WASHC3: variants seen among roughly 807,000 people sequenced by gnomAD.
The protein encoded by WASHC3 is WASH complex subunit CCDC53.
WASHC3 carries 24 observed loss-of-function variants against 26.1 expected under a neutral mutation model. The observed-to-expected ratio is 0.92, with a 90% CI of 0.66 to 1.29. The LOEUF (loss-of-function observed/expected upper bound fraction) is 1.29, where lower values mean the gene tolerates loss of function less well. Among genes scored for constraint, WASHC3 ranks in the 50% most tolerant of loss-of-function variants. The pLI is 0.00. For synonymous variants in WASHC3, 77 were observed against 75.7 expected, an observed-to-expected ratio of 1.02 and a Z score of -0.09; for missense variants, 214 against 229.6, an observed-to-expected ratio of 0.93 and a Z score of 0.44.
At chr12:102,044,799 G>A (rs1001571581) in intron 3 of WASHC3, among the ~76,000 whole-genome samples, 1 of 151,942 alleles carries the variant, frequency 6.6e-6, no homozygotes, top group African/African-American at 2.4e-5. Context: ...TGGGCATATT[G>A]TTGGTATTTC....
At chr12:102,031,932 AAACT>A (rs1490969868) in intron 5 of WASHC3, among the ~76,000 whole-genome samples, 2 of 152,172 alleles carry the variant, frequency 1.3e-5, no homozygotes, top group African/African-American at 4.8e-5. Context: ...ACTGATGAGG[AAACT>A]ACCTGGAGTT....
At position 102,046,075 on chromosome 12, in the gene WASHC3, A is replaced by C. The variant is rs761751093; in HGVS notation, c.195T>G (p.Thr65=). The change falls in exon 3 of 7, where the codon ACT becomes ACG. Residue 65 remains threonine (T), a synonymous_variant. Transcript: ENST00000240079. The part of the protein sequence containing the change: ...LSLRIQQIET[T]LNILDAKLSS... ...CAACCTTTGCATCTAAAATATTGAG[A>C]GTTGTTTCAATTTGTTGGATACGAA... 3 of 1,595,904 alleles carry C rather than the reference A, an allele frequency of 1.9e-6. No homozygotes were observed. The Admixed American group carries it at 5.1e-5, about 27-fold the overall frequency.
chr12:102,039,926 T>C lies in WASHC3; in HGVS notation c.377A>G (p.Asn126Ser). Residue 126 changes from asparagine to serine, a missense_variant, in exon 5 of 7, where the codon AAT becomes AGT. By Grantham distance (46) the Asn-to-Ser change is conservative. Transcript: ENST00000240079. ...GLQESEVSAE[N>S]ILTVAKDPRY... is the part of the protein sequence containing the mutation. ...TGGATCCTTGGCTACAGTTAAGATA[T>C]TTTCTGCTGATACTTCACTTTCCTG... 1 of 1,606,314 alleles carries C rather than the reference T, an allele frequency of 6.2e-7. No homozygotes were observed. The highest frequency in any genetic ancestry group is 1.7e-4 in the Middle Eastern group (1 of 6,034).
intron 6 of WASHC3, among the ~76,000 whole-genome samples, chr12:102,018,811 G>C (rs998637518): frequency 6.6e-6 from 1 of 151,430 alleles, no homozygotes; most frequent in African/African-American, 2.4e-5. Context: ...TAGAGATGAA[G>C]TCTTATTTAT....
chr12:102,050,611 C>G (rs1339608690), intron 2 of WASHC3: 3 of 453,638 alleles, frequency 6.6e-6, no homozygotes, highest in South Asian at 4.7e-5. Flanking sequence ...CCACTGCACT[C>G]CAGCCTCGGT....
chr12:102,051,871 G>C (rs993163934), intron 2 of WASHC3, among the ~76,000 whole-genome samples: 1 of 152,232 alleles, frequency 6.6e-6, no homozygotes, highest in Non-Finnish European at 1.5e-5. Context: ...ATGATGCCCA[G>C]CACAGAGGAA....
At chr12:102,061,408 C>A in intron 1 of WASHC3, 62 bp from the exon 2 acceptor site, 1 of 1,053,946 alleles carries the variant, frequency 9.5e-7, no homozygotes, top group South Asian at 1.3e-5. Context: ...CAAATCTTTT[C>A]ATATTTGGAC....
At chr12:102,041,778 A>AT (rs1877949544) in intron 4 of WASHC3, among the ~76,000 whole-genome samples, 2 of 152,074 alleles carry the variant, frequency 1.3e-5, no homozygotes, top group African/African-American at 2.4e-5. Context: ...TCAACACACA[A>AT]TTTTATCACA....
At chr12:102,017,669 C>T (rs1311647928) in intron 6 of WASHC3, 7 of 342,604 alleles carry the variant, frequency 2.0e-5, no homozygotes, top group Non-Finnish European at 2.8e-5. Context: ...TTTAACCTTC[C>T]GAGGAACTGC....
intron 6 of WASHC3, among the ~76,000 whole-genome samples, chr12:102,022,881 C>A (rs1264484073): frequency 6.6e-6 from 1 of 151,666 alleles, no homozygotes; most frequent in East Asian, 1.9e-4. Flanking sequence ...TAACCTTTGG[C>A]CAAAGACCAA....
intron 2 of WASHC3, among the ~76,000 whole-genome samples, chr12:102,056,512 A>T (rs1878598732): frequency 1.3e-5 from 2 of 152,220 alleles, no homozygotes; most frequent in South Asian, 4.1e-4. Context: ...TGATTATGGT[A>T]TGATTATGCA....
chr12:102,054,902 C>T (rs1244315135), intron 2 of WASHC3, among the ~76,000 whole-genome samples: 2 of 151,980 alleles, frequency 1.3e-5, no homozygotes, highest in African/African-American at 2.4e-5. Flanking sequence ...TGGGAGGTGG[C>T]AAAAGCAGTT....
At chr12:102,015,147 A>G (rs1026040093) in intron 6 of WASHC3, among the ~76,000 whole-genome samples, 18 of 152,316 alleles carry the variant, frequency 1.2e-4, no homozygotes, top group South Asian at 6.2e-4. Flanking sequence ...TTGCAAAAAA[A>G]TAGAGAAATT....
At chr12:102,027,134 G>T (rs75151193) in intron 5 of WASHC3, among the ~76,000 whole-genome samples, 2 of 152,148 alleles carry the variant, frequency 1.3e-5, no homozygotes, top group South Asian at 2.1e-4. Flanking sequence ...ATCAAATTAG[G>T]CTATTTAGCA....
At chr12:102,058,632 A>G (rs1878684578) in intron 2 of WASHC3, among the ~76,000 whole-genome samples, 2 of 152,144 alleles carry the variant, frequency 1.3e-5, no homozygotes, top group African/African-American at 4.8e-5. Context: ...GCTATTATAG[A>G]AAATAGTACA....
chr12:102,021,570 C>T (rs555729742), intron 6 of WASHC3, among the ~76,000 whole-genome samples: 1 of 152,312 alleles, frequency 6.6e-6, no homozygotes, highest in Admixed American at 6.5e-5. Flanking sequence ...TTGTCCTATA[C>T]TTTCTAGCTA....
At chr12:102,015,464 C>T (rs1876656481) in intron 6 of WASHC3, among the ~76,000 whole-genome samples, 2 of 152,188 alleles carry the variant, frequency 1.3e-5, no homozygotes, top group South Asian at 2.1e-4. Context: ...TTGTTTCTTA[C>T]TTGTTGGCCA....
Position 102,030,295 on chromosome 12 carries a change from C to CAA in WASHC3, c.436-4259_436-4258dup, listed in dbSNP as rs57056667. ...GGGCAACAAGAGGGAAACTCCATCT[C>CAA]AAAAAAAAAAAAAAAAAATTATTGT... On this transcript the variant is annotated intron_variant, in intron 5 of 6. Coordinates refer to ENST00000240079, the MANE Select transcript of WASHC3 (RefSeq NM_016053.4). Among the ~76,000 whole-genome samples the CAA allele has an allele frequency of 8.2e-3, 726 of 89,060 alleles. 6 individuals are homozygous for CAA. Among genetic ancestry groups the CAA allele is most frequent in the African/African-American group, 0.024 (582 of 24,192 alleles). 58.4% of individuals were successfully genotyped at this position (89,060 alleles called of 152,430 possible). A position where few individuals can be genotyped will look rare whatever the true frequency, so the allele number is the denominator to read the frequency against.
chr12:102,030,389 G>C (rs907742626), intron 5 of WASHC3, among the ~76,000 whole-genome samples: 1 of 151,442 alleles, frequency 6.6e-6, no homozygotes, highest in Non-Finnish European at 1.5e-5. Flanking sequence ...TATATATAAT[G>C]GGTTATTGTT....
Sources: allele counts gnomAD v4.1 joint callset (sites outside exome capture counted in the v4.1 genomes callset), GRCh38; gene constraint gnomAD v4.1.1; transcripts MANE v1.5; gene names NCBI Gene and HGNC (gene_info 2026-07-23, HGNC 2026-07-21).